The following FSTL5 variants were observed in gnomAD, a reference collection of about 807,000 sequenced individuals.
FSTL5 encodes follistatin-related protein 5.
A neutral mutation model predicts 89.1 loss-of-function variants in FSTL5; 62 were observed. That is an observed-to-expected ratio of 0.70 (90% CI 0.57 to 0.86). The LOEUF is 0.86. Ranked by LOEUF, FSTL5 falls within the 40% of genes least tolerant of loss-of-function variation. The probability of loss-of-function intolerance (pLI) is 0.00; values close to 1 mark genes in which losing one functional copy is unlikely to be tolerated. For synonymous variants in FSTL5, 383 were observed against 346.2 expected (o/e 1.11, Z -1.18); for missense variants, 1,057 against 1,001.6 (o/e 1.06, Z -0.75).
chr4:161,760,135 G>A (rs1046251104), intron 5 of FSTL5, among the ~76,000 whole-genome samples: 16 of 152,154 alleles, frequency 1.1e-4, no homozygotes, highest in South Asian at 4.1e-4. Flanking sequence ...TTAATGCACC[G>A]ATTGATGATG....
chr4:161,977,372 G>A (rs1319863148), intron 3 of FSTL5, among the ~76,000 whole-genome samples: 1 of 151,742 alleles, frequency 6.6e-6, no homozygotes, highest in Non-Finnish European at 1.5e-5. Context: ...CAGCACTTTG[G>A]GAGGCCGAGG....
intron 15 of FSTL5, among the ~76,000 whole-genome samples, chr4:161,449,437 T>C (rs1733073584): frequency 6.6e-6 from 1 of 152,068 alleles, no homozygotes; most frequent in Non-Finnish European, 1.5e-5. Context: ...AATGGTAGTT[T>C]GGGTTGGGGG....
chr4:162,111,214 A>G (rs949550969), intron 2 of FSTL5, 57 bp downstream of exon 2: 9 of 1,395,808 alleles, frequency 6.4e-6, no homozygotes, highest in Admixed American at 4.2e-5. Context: ...CCAGAAAACT[A>G]ATAGCTTAGT....
chr4:161,636,102 A>G (rs187593507), intron 7 of FSTL5, among the ~76,000 whole-genome samples: 631 of 152,204 alleles, frequency 4.1e-3, no homozygotes, highest in African/African-American at 0.015. Flanking sequence ...AAAAAAAAAA[A>G]AAATCCTTGA....
At chr4:161,682,629 C>A (rs1271537672) in intron 6 of FSTL5, among the ~76,000 whole-genome samples, 1 of 152,106 alleles carries the variant, frequency 6.6e-6, no homozygotes, top group Non-Finnish European at 1.5e-5. Context: ...ATGTTCACAT[C>A]TTGTCCCACT....
At chr4:161,797,466 G>A (rs1166517154) in intron 4 of FSTL5, among the ~76,000 whole-genome samples, 1 of 151,482 alleles carries the variant, frequency 6.6e-6, no homozygotes, top group Non-Finnish European at 1.5e-5. Context: ...TATTAGTTTT[G>A]TTTTAATCAC....
intron 2 of FSTL5, among the ~76,000 whole-genome samples, chr4:162,088,795 G>T (rs1443411233): frequency 1.3e-5 from 2 of 152,068 alleles, no homozygotes; most frequent in Admixed American, 6.6e-5. Context: ...AACATTTATA[G>T]TTCTCAAATG....
intron 15 of FSTL5, chr4:161,388,338 G>A (rs1730714012): frequency 6.6e-6 from 1 of 151,964 alleles, no homozygotes; most frequent in African/African-American, 2.4e-5. Flanking sequence ...CATTCATACT[G>A]TTGATAATTA....
At chr4:162,113,021 G>T (rs147472654) in intron 1 of FSTL5, among the ~76,000 whole-genome samples, 2 of 152,018 alleles carry the variant, frequency 1.3e-5, no homozygotes, top group African/African-American at 4.8e-5. Context: ...AAATATTGTG[G>T]TTTATCAAAT....
intron 3 of FSTL5, among the ~76,000 whole-genome samples, chr4:162,010,229 C>A (rs1340540752): frequency 6.6e-6 from 1 of 151,778 alleles, no homozygotes; most frequent in African/African-American, 2.4e-5. Context: ...CATTGGTATA[C>A]CTATGAAATT....
intron 13 of FSTL5, among the ~76,000 whole-genome samples, chr4:161,463,586 A>G (rs974500232): frequency 6.6e-6 from 1 of 152,236 alleles, no homozygotes; most frequent in Non-Finnish European, 1.5e-5. Flanking sequence ...AAGGGAATAA[A>G]TAACACACTG....
intron 7 of FSTL5, among the ~76,000 whole-genome samples, chr4:161,645,741 C>T (rs1736132163): frequency 6.6e-6 from 1 of 152,040 alleles, no homozygotes; most frequent in Admixed American, 6.6e-5. Flanking sequence ...CTCAGCTATG[C>T]CAATGCTCCC....
At chr4:161,742,121 A>G (rs1004747795) in intron 6 of FSTL5, among the ~76,000 whole-genome samples, 1 of 150,994 alleles carries the variant, frequency 6.6e-6, no homozygotes, top group African/African-American at 2.5e-5. Context: ...AAAAAAAAAG[A>G]AAAAACAATG....
intron 3 of FSTL5, among the ~76,000 whole-genome samples, chr4:162,015,709 C>T (rs1483865277): frequency 6.6e-6 from 1 of 152,150 alleles, no homozygotes; most frequent in Non-Finnish European, 1.5e-5. Context: ...CTGTGAGGGC[C>T]AGGTTGGTAA....
intron 2 of FSTL5, among the ~76,000 whole-genome samples, chr4:162,088,994 A>G (rs1467860921): frequency 6.6e-6 from 1 of 152,152 alleles, no homozygotes; most frequent in Non-Finnish European, 1.5e-5. Context: ...AAAGATGATT[A>G]GGCTGTAAGA....
At chr4:161,450,066 C>A (rs1733108882) in intron 15 of FSTL5, among the ~76,000 whole-genome samples, 1 of 152,066 alleles carries the variant, frequency 6.6e-6, no homozygotes. Flanking sequence ...CATCCCCCTT[C>A]TGCCCCAAAC....
At chr4:161,865,128 A>G (rs1292718359) in intron 4 of FSTL5, among the ~76,000 whole-genome samples, 2 of 152,106 alleles carry the variant, frequency 1.3e-5, no homozygotes, top group Non-Finnish European at 2.9e-5. Flanking sequence ...TTTTTATTTT[A>G]TCCCCTGGAG....
At chr4:161,822,100 T>A (rs1280103051) in intron 4 of FSTL5, among the ~76,000 whole-genome samples, 1 of 149,474 alleles carries the variant, frequency 6.7e-6, no homozygotes, top group Non-Finnish European at 1.5e-5. Context: ...ACATCTACTA[T>A]TTTTTTTTTC....
intron 3 of FSTL5, among the ~76,000 whole-genome samples, chr4:162,010,044 A>T (rs1434795830): frequency 6.6e-6 from 1 of 151,286 alleles, no homozygotes; most frequent in Non-Finnish European, 1.5e-5. Context: ...CACACTATGA[A>T]CATAAGTAGA....
Sources: allele counts gnomAD v4.1 joint callset (sites outside exome capture counted in the v4.1 genomes callset), GRCh38; gene constraint gnomAD v4.1.1; transcripts MANE v1.5; gene names NCBI Gene and HGNC (gene_info 2026-07-23, HGNC 2026-07-21).